The following CACNA1D variants were observed in gnomAD, a reference collection of about 807,000 sequenced individuals.
CACNA1D encodes calcium voltage-gated channel subunit alpha1 D, also known as voltage-dependent L-type calcium channel subunit alpha-1D.
CACNA1D carries 55 observed loss-of-function variants against 257.1 expected under a neutral mutation model. That is an observed-to-expected ratio of 0.21 (90% CI 0.17 to 0.27). The LOEUF (loss-of-function observed/expected upper bound fraction) is 0.27. Among genes scored for constraint, CACNA1D ranks in the 10% least tolerant of loss-of-function variants. The pLI, the probability that CACNA1D is intolerant of heterozygous loss-of-function variation, is 1.00. For missense variants in CACNA1D, 1,876 were observed against 2,784.0 expected (o/e 0.67, Z 7.34); for synonymous variants, 980 against 1,014.9 (o/e 0.97, Z 0.65).
At chr3:53,574,797 C>T (rs114600367) in intron 3 of CACNA1D, among the ~76,000 whole-genome samples, 58 of 152,278 alleles carry the variant, frequency 3.8e-4, no homozygotes, top group East Asian at 7.7e-4. Flanking sequence ...GCTTTTGACA[C>T]GCCAGGAATT....
intron 40 of CACNA1D, among the ~76,000 whole-genome samples, chr3:53,796,647 GT>G (rs1054532353): frequency 3.5e-4 from 54 of 152,148 alleles, no homozygotes; most frequent in African/African-American, 1.2e-3. Context: ...AGACATTTTA[GT>G]TTTTTTTGGT....
chr3:53,595,720 G>A (rs1421667367), intron 3 of CACNA1D, among the ~76,000 whole-genome samples: 2 of 152,152 alleles, frequency 1.3e-5, no homozygotes, highest in African/African-American at 2.4e-5. Context: ...AGTTGAAGTT[G>A]CAGCAAGGGA....
chr3:53,527,112 A>G (rs1354843703), intron 3 of CACNA1D, among the ~76,000 whole-genome samples: 4 of 152,264 alleles, frequency 2.6e-5, no homozygotes, highest in Non-Finnish European at 4.4e-5. Flanking sequence ...CAATCCTAGA[A>G]CAATCTATGA....
At chr3:53,626,463 G>A (rs1197847469) in intron 3 of CACNA1D, among the ~76,000 whole-genome samples, 1 of 152,204 alleles carries the variant, frequency 6.6e-6, no homozygotes, top group African/African-American at 2.4e-5. Flanking sequence ...GGGGAGAGAG[G>A]GAAAGGCTGC....
chr3:53,742,342 A>G (rs2095125925), intron 21 of CACNA1D, among the ~76,000 whole-genome samples: 1 of 152,230 alleles, frequency 6.6e-6, no homozygotes, highest in Non-Finnish European at 1.5e-5. Flanking sequence ...TCCATCACCA[A>G]TAGAAATCTC....
intron 3 of CACNA1D, among the ~76,000 whole-genome samples, chr3:53,610,754 A>G (rs2093573229): frequency 6.6e-6 from 1 of 151,870 alleles, no homozygotes; most frequent in Non-Finnish European, 1.5e-5. Context: ...TTGACATTCC[A>G]TTTTATTTCT....
At chr3:53,720,681 A>G (rs2094873868) in intron 11 of CACNA1D, among the ~76,000 whole-genome samples, 3 of 152,250 alleles carry the variant, frequency 2.0e-5, no homozygotes, top group Admixed American at 6.5e-5. Context: ...AATGCACATT[A>G]AAATCACAGT....
At chr3:53,629,506 T>A (rs2093798844) in intron 3 of CACNA1D, among the ~76,000 whole-genome samples, 1 of 151,964 alleles carries the variant, frequency 6.6e-6, no homozygotes, top group Admixed American at 6.6e-5. Context: ...AGGGGAGGAG[T>A]TAGCAGTCTG....
At chr3:53,617,077 T>C (rs1302562448) in intron 3 of CACNA1D, among the ~76,000 whole-genome samples, 1 of 152,180 alleles carries the variant, frequency 6.6e-6, no homozygotes, top group Non-Finnish European at 1.5e-5. Flanking sequence ...TCCTCCTCTC[T>C]GCTTTTCCAA....
chr3:53,719,924 G>A (rs1357633381), intron 11 of CACNA1D, 143 bp downstream of exon 11: 4 of 837,044 alleles, frequency 4.8e-6, no homozygotes, highest in Non-Finnish European at 6.3e-6. Context: ...TCAGTCAATT[G>A]AATCCTATGA....
intron 15 of CACNA1D, among the ~76,000 whole-genome samples, chr3:53,729,090 G>T (rs990840891): frequency 1.1e-4 from 17 of 152,106 alleles, no homozygotes; most frequent in Admixed American, 2.0e-4. Context: ...CTCATCACTA[G>T]CCCCTGTCCG....
rs1183132326 is a variant in CACNA1D, at chr3:53,812,095, A to ATAAT, written c.*690_*693dup. 2 of 152,318 alleles carry ATAAT rather than the reference A, an allele frequency of 1.3e-5. No homozygotes were observed. The highest frequency in any genetic ancestry group is 4.8e-5 in the African/African-American group (2 of 41,468). The allele number at this position is 152,318 out of a possible 1,614,324, so 9.4% of individuals were successfully genotyped here. On this transcript the variant is annotated 3_prime_UTR_variant, in exon 48 of 48. Transcript: ENST00000350061. Reference sequence around the variant, plus strand: ...ACGCTAAGGGCAACTGTAAACTGGAATAATAATGCACTCGCAACCAGGTAA... The same window carrying ATAAT: ...ACGCTAAGGGCAACTGTAAACTGGAATAATTAATAATGCACTCGCAACCAGGTAA...
chr3:53,637,158 T>C (rs1407655612), intron 3 of CACNA1D, among the ~76,000 whole-genome samples: 2 of 152,150 alleles, frequency 1.3e-5, no homozygotes, highest in African/African-American at 4.8e-5. Flanking sequence ...AAAAGTAGAG[T>C]TGGAAAGTCC....
chr3:53,715,601 G>A (rs1258227222), intron 9 of CACNA1D, among the ~76,000 whole-genome samples: 2 of 152,244 alleles, frequency 1.3e-5, no homozygotes, highest in East Asian at 3.9e-4. Flanking sequence ...TGGGGACCCA[G>A]CACTCCGCAT....
At chr3:53,722,232 C>A in intron 11 of CACNA1D, 82 bp from the exon 12 acceptor site, 1 of 1,530,216 alleles carries the variant, frequency 6.5e-7, no homozygotes, top group South Asian at 1.1e-5. Flanking sequence ...AGAGTGAAAG[C>A]CAAATTATCT....
At chr3:53,682,379 A>AC (rs1576337469) in intron 8 of CACNA1D, among the ~76,000 whole-genome samples, 1 of 145,132 alleles carries the variant, frequency 6.9e-6, no homozygotes, top group African/African-American at 2.6e-5. Flanking sequence ...AAAAAAAAAA[A>AC]AAAAAAAAAA....
At chr3:53,527,994 G>C (rs1285238992) in intron 3 of CACNA1D, among the ~76,000 whole-genome samples, 3 of 152,148 alleles carry the variant, frequency 2.0e-5, no homozygotes, top group Non-Finnish European at 4.4e-5. Context: ...AAAGACTTGA[G>C]TTTGAGTTAT....
chr3:53,561,006 T>C (rs1317056003), intron 3 of CACNA1D, among the ~76,000 whole-genome samples: 1 of 152,200 alleles, frequency 6.6e-6, no homozygotes, highest in Non-Finnish European at 1.5e-5. Context: ...TTGAACTCCT[T>C]AGGTAGGGCA....
chr3:53,809,816 C>T lies in CACNA1D; in HGVS notation c.5872-162C>T, dbSNP rs78728578. ...GTCTGCTAGAAAACAAAGTCATCACCGCCCATTCATTCAGCGTACTTCAGT... is the reference window on the plus strand; with the variant it reads ...GTCTGCTAGAAAACAAAGTCATCACTGCCCATTCATTCAGCGTACTTCAGT... On this transcript the variant is annotated intron_variant, in intron 46 of 47. Coordinates refer to ENST00000350061, the MANE Select transcript of CACNA1D (RefSeq NM_001128840.3). The T allele has an allele frequency of 0.045, 31,170 of 695,086 alleles. 909 individuals are homozygous for T. The highest frequency in any genetic ancestry group is 0.061 in the Middle Eastern group (248 of 4,092). The allele number at this position is 695,086 out of a possible 1,614,324, so 43.1% of individuals were successfully genotyped here. A position where few individuals can be genotyped will look rare whatever the true frequency, so the allele number is the denominator to read the frequency against.
Sources: gnomAD v4.1 joint callset for allele counts (sites outside exome capture counted in the v4.1 genomes callset) on GRCh38, gnomAD v4.1.1 for gene constraint, MANE v1.5 for transcripts, NCBI Gene and HGNC (gene_info 2026-07-23, HGNC 2026-07-21) for gene names.